The following RIMS2 variants were observed in gnomAD, a reference collection of about 807,000 sequenced individuals.
RIMS2 encodes regulating synaptic membrane exocytosis protein 2.
A neutral mutation model predicts 174.4 loss-of-function variants in RIMS2; 59 were observed. That is an observed-to-expected ratio of 0.34 (90% CI 0.27 to 0.42). RIMS2 has a LOEUF of 0.42. Among genes scored for constraint, RIMS2 ranks in the 10% least tolerant of loss-of-function variants. The pLI is 1.00. For missense variants in RIMS2, 1,620 were observed against 1,666.3 expected, an observed-to-expected ratio of 0.97 and a Z score of 0.48; for synonymous variants, 606 against 572.5, an observed-to-expected ratio of 1.06 and a Z score of -0.84.
chr8:103,840,831 G>T (rs557431661), intron 3 of RIMS2, among the ~76,000 whole-genome samples: 1 of 152,202 alleles, frequency 6.6e-6, no homozygotes, highest in Non-Finnish European at 1.5e-5. Flanking sequence ...TTTAAACCAG[G>T]CAGCTGCTGG....
chr8:103,980,451 A>C (rs1309815355), intron 16 of RIMS2, among the ~76,000 whole-genome samples: 1 of 152,210 alleles, frequency 6.6e-6, no homozygotes, highest in Non-Finnish European at 1.5e-5. Context: ...TGCTGTGGGC[A>C]TTGGGCTCTG....
intron 19 of RIMS2, among the ~76,000 whole-genome samples, chr8:104,218,499 C>A (rs931230481): frequency 6.6e-6 from 1 of 152,170 alleles, no homozygotes; most frequent in African/African-American, 2.4e-5. Flanking sequence ...AAGGGCATTA[C>A]ATTTATTGTG....
At chr8:103,595,225 A>T (rs2094439121) in intron 1 of RIMS2, among the ~76,000 whole-genome samples, 1 of 151,786 alleles carries the variant, frequency 6.6e-6, no homozygotes, top group African/African-American at 2.4e-5. Context: ...TTTAATATTA[A>T]TATCTATTTG....
intron 3 of RIMS2, among the ~76,000 whole-genome samples, chr8:103,781,645 T>G (rs1189674886): frequency 6.6e-6 from 1 of 152,070 alleles, no homozygotes; most frequent in Non-Finnish European, 1.5e-5. Context: ...TCTTTGAATG[T>G]GTTTTGGAGT....
intron 8 of RIMS2, among the ~76,000 whole-genome samples, chr8:103,917,217 G>T (rs1159003649): frequency 6.6e-6 from 1 of 152,104 alleles, no homozygotes; most frequent in African/African-American, 2.4e-5. Flanking sequence ...ATGCAGATTT[G>T]GGGTAAGAGC....
chr8:103,985,473 CAAAAAAAAAA>C (rs58750334), intron 16 of RIMS2, among the ~76,000 whole-genome samples: 45 of 36,156 alleles, frequency 1.2e-3, no homozygotes, highest in African/African-American at 4.7e-3. Context: ...GACTCTGTCT[CAAAAAAAAAA>C]AAAAAAAAAA....
chr8:103,745,836 A>G (rs941874638), intron 2 of RIMS2, among the ~76,000 whole-genome samples: 12 of 152,120 alleles, frequency 7.9e-5, no homozygotes, highest in African/African-American at 2.9e-4. Flanking sequence ...AGTTCTTTAT[A>G]TATTTTGGAT....
chr8:103,576,205 A>G (rs1283202206), intron 1 of RIMS2, among the ~76,000 whole-genome samples: 1 of 152,204 alleles, frequency 6.6e-6, no homozygotes, highest in African/African-American at 2.4e-5. Flanking sequence ...AATGGGTGGC[A>G]CTCTGAATAT....
chr8:103,631,720 G>A (rs980205932), intron 1 of RIMS2, among the ~76,000 whole-genome samples: 1 of 152,192 alleles, frequency 6.6e-6, no homozygotes, highest in African/African-American at 2.4e-5. Flanking sequence ...GCTTTGGGTA[G>A]TATGGGCATT....
intron 19 of RIMS2, among the ~76,000 whole-genome samples, chr8:104,101,740 A>C (rs1424409657): frequency 6.6e-6 from 1 of 152,114 alleles, no homozygotes. Flanking sequence ...CTTCTATTTT[A>C]TTACAACTAC....
At chr8:104,019,870 G>A (rs983320959) in intron 19 of RIMS2, among the ~76,000 whole-genome samples, 7 of 152,120 alleles carry the variant, frequency 4.6e-5, no homozygotes, top group Admixed American at 3.9e-4. Context: ...ACTGTTAATT[G>A]TCTTCCACAT....
intron 3 of RIMS2, among the ~76,000 whole-genome samples, chr8:103,825,505 A>G (rs1159578516): frequency 6.8e-5 from 10 of 146,438 alleles, no homozygotes; most frequent in Non-Finnish European, 1.5e-4. Flanking sequence ...GGCTGGTCTC[A>G]AGCTCCTGAG....
At chr8:103,915,447 G>T in intron 6 of RIMS2, 48 bp from the exon 10 acceptor site, 2 of 1,122,274 alleles carry the variant, frequency 1.8e-6, no homozygotes, top group Admixed American at 1.9e-5. Context: ...CTTCAACCAT[G>T]CTCATTTTAA....
chr8:104,117,552 G>A (rs564562931), intron 19 of RIMS2, among the ~76,000 whole-genome samples: 2 of 151,928 alleles, frequency 1.3e-5, no homozygotes, highest in Non-Finnish European at 2.9e-5. Flanking sequence ...TGTTTTCCAG[G>A]CTGGTCTTGA....
At chr8:104,077,427 A>T (rs1396717761) in intron 19 of RIMS2, among the ~76,000 whole-genome samples, 2 of 151,850 alleles carry the variant, frequency 1.3e-5, no homozygotes, top group Non-Finnish European at 2.9e-5. Flanking sequence ...AGGATGAAAA[A>T]TTTAAAAAAA....
intron 19 of RIMS2, among the ~76,000 whole-genome samples, chr8:104,101,955 C>G (rs1271017760): frequency 6.6e-6 from 1 of 152,074 alleles, no homozygotes; most frequent in African/African-American, 2.4e-5. Flanking sequence ...TCTTTGTGAG[C>G]TTTCTATATG....
At chr8:103,580,155 A>G (rs182732477) in intron 1 of RIMS2, among the ~76,000 whole-genome samples, 1 of 152,236 alleles carries the variant, frequency 6.6e-6, no homozygotes, top group African/African-American at 2.4e-5. Flanking sequence ...ACCAGAAAAC[A>G]AGCAACAATT....
At chr8:103,500,803 G>A in exon 1 of RIMS2, 1 of 780,252 alleles carries the variant, frequency 1.3e-6, no homozygotes, top group Non-Finnish European at 2.0e-6. Flanking sequence ...CAGCGCTGGA[G>A]GCTGCCCCAG....
At chr8:103,801,532 A>G (rs1216823073) in intron 3 of RIMS2, among the ~76,000 whole-genome samples, 1 of 152,192 alleles carries the variant, frequency 6.6e-6, no homozygotes, top group Admixed American at 6.5e-5. Context: ...CATGTTCCAT[A>G]CTAATCTGTA....
Sources: gnomAD v4.1 joint callset for allele counts (sites outside exome capture counted in the v4.1 genomes callset) on GRCh38, gnomAD v4.1.1 for gene constraint, MANE v1.5 for transcripts, NCBI Gene and HGNC (gene_info 2026-07-23, HGNC 2026-07-21) for gene names.